Variants in PDZD2 observed in about 807,000 individuals in gnomAD.
PDZD2 encodes the protein PDZ domain-containing protein 2.
In PDZD2, 90 loss-of-function variants were observed where a neutral mutation model predicts 220.7. That is an observed-to-expected ratio of 0.41 (90% CI 0.34 to 0.49). The LOEUF (loss-of-function observed/expected upper bound fraction) is 0.49. Ranked by LOEUF, PDZD2 falls within the 20% of genes least tolerant of loss-of-function variation. PDZD2 has a pLI of 0.28. For synonymous variants in PDZD2, 1,375 were observed against 1,450.5 expected (o/e 0.95, Z 1.18); for missense variants, 3,174 against 3,608.5 (o/e 0.88, Z 3.08).
At chr5:31,882,748 G>A (rs894661898) in intron 2 of PDZD2, among the ~76,000 whole-genome samples, 2 of 151,930 alleles carry the variant, frequency 1.3e-5, no homozygotes, top group Non-Finnish European at 1.5e-5. Flanking sequence ...CCAGGTCTGG[G>A]CCAGATACAG....
intron 1 of PDZD2, among the ~76,000 whole-genome samples, chr5:31,737,476 C>T (rs1205482862): frequency 6.6e-6 from 1 of 152,126 alleles, no homozygotes; most frequent in Non-Finnish European, 1.5e-5. Flanking sequence ...CCGGCCAGAG[C>T]AGTCTACTTC....
chr5:31,840,628 T>C, intron 2 of PDZD2: 1 of 721,554 alleles, frequency 1.4e-6, no homozygotes, highest in Non-Finnish European at 2.6e-6. Flanking sequence ...GGCTTCTTTC[T>C]TTTTCTGATC....
intron 1 of PDZD2, among the ~76,000 whole-genome samples, chr5:31,683,716 G>A (rs1209617121): frequency 2.6e-5 from 4 of 152,182 alleles, no homozygotes; most frequent in Non-Finnish European, 5.9e-5. Flanking sequence ...CCAGTCTGCT[G>A]TTGAGGCAGG....
At chr5:31,927,981 C>G (rs1038003594) in intron 2 of PDZD2, among the ~76,000 whole-genome samples, 2 of 152,080 alleles carry the variant, frequency 1.3e-5, no homozygotes, top group African/African-American at 4.8e-5. Flanking sequence ...GAAAACCAGG[C>G]CATTTCAGTA....
intron 1 of PDZD2, among the ~76,000 whole-genome samples, chr5:31,718,564 T>G (rs1380246246): frequency 6.6e-6 from 1 of 152,214 alleles, no homozygotes; most frequent in Non-Finnish European, 1.5e-5. Flanking sequence ...TTCCTTGTCT[T>G]GCAGATGGCC....
intron 1 of PDZD2, among the ~76,000 whole-genome samples, chr5:31,719,306 C>A (rs1388729628): frequency 1.3e-5 from 2 of 152,072 alleles, no homozygotes; most frequent in Non-Finnish European, 2.9e-5. Context: ...AGTGTGCAAT[C>A]TATTAGGTAA....
intron 1 of PDZD2, among the ~76,000 whole-genome samples, chr5:31,676,901 G>A (rs1363988783): frequency 1.3e-5 from 2 of 151,626 alleles, no homozygotes; most frequent in Non-Finnish European, 2.9e-5. Flanking sequence ...GGCTTCCCCA[G>A]AGGAGATTTT....
chr5:31,916,198 T>G (rs1281214504), intron 2 of PDZD2, among the ~76,000 whole-genome samples: 4 of 152,252 alleles, frequency 2.6e-5, no homozygotes, highest in Non-Finnish European at 4.4e-5. Context: ...TCATCATTAG[T>G]CCATCCTGGA....
rs1357751060 is a variant in PDZD2 at position 32,018,833 on chromosome 5, A to G, written c.1407+8351A>G. ...ATGCCTTATGTCGGATTGCCAGAGC[A>G]AGATAGGAAAGACGAGACTGCAATG... On this transcript the variant is annotated intron_variant, in intron 6 of 24. Coordinates refer to ENST00000438447, the MANE Select transcript of PDZD2 (RefSeq NM_178140.4). Among the ~76,000 whole-genome samples the G allele has an allele frequency of 2.6e-5, 4 of 152,366 alleles. No individual in the cohort carries two copies. The South Asian group carries it at 8.3e-4, about 32-fold the overall frequency.
At chr5:31,894,240 T>C (rs909927639) in intron 2 of PDZD2, among the ~76,000 whole-genome samples, 1 of 151,966 alleles carries the variant, frequency 6.6e-6, no homozygotes, top group African/African-American at 2.4e-5. Flanking sequence ...GGGTGCTCTA[T>C]ATTAGTGGAA....
intron 2 of PDZD2, chr5:31,847,275 G>A (rs1056433266): frequency 6.7e-6 from 2 of 298,030 alleles, no homozygotes; most frequent in African/African-American, 2.2e-5. Context: ...TGTAGGGTGG[G>A]GTTTGTTAAA....
chr5:32,029,693 C>T (rs1373962657), intron 6 of PDZD2, among the ~76,000 whole-genome samples: 1 of 152,176 alleles, frequency 6.6e-6, no homozygotes, highest in African/African-American at 2.4e-5. Context: ...GTCCCTTCCT[C>T]CTGAGACACT....
rs375725638 is a variant in PDZD2, at chr5:32,090,966, C to A, written c.7518C>A (p.Ser2506Arg). Residue 2506 changes from serine to arginine, a missense_variant, in exon 20 of 25, where the codon AGC (serine) becomes AGA (arginine). By Grantham distance (110) the Ser-to-Arg change is moderately radical. Coordinates refer to ENST00000438447, the MANE Select transcript of PDZD2 (RefSeq NM_178140.4). This position sits in a 1 kb window ranked among gnomAD's most constrained non-coding sequence, Gnocchi z 4.3. ...LCSEDYSAGP[S>R]AVLFKTELEI... ...GCGAGGATTACTCAGCAGGGCCGAGCGCCGTGCTCTTCAAAACTGAGCTGG... is the reference window on the plus strand; with the variant it reads ...GCGAGGATTACTCAGCAGGGCCGAGAGCCGTGCTCTTCAAAACTGAGCTGG... The A allele has an allele frequency of 6.2e-7, 1 of 1,613,682 alleles. No individual in the cohort carries two copies. The highest frequency in any genetic ancestry group is 1.3e-5 in the African/African-American group (1 of 74,906).
intron 1 of PDZD2, among the ~76,000 whole-genome samples, chr5:31,670,375 T>C (rs961824804): frequency 6.6e-6 from 1 of 152,112 alleles, no homozygotes; most frequent in Non-Finnish European, 1.5e-5. Context: ...ACATTGGGGG[T>C]TCAGCACTGA....
At chr5:31,936,566 TAAA>T (rs11378684) in intron 2 of PDZD2, among the ~76,000 whole-genome samples, 1 of 145,104 alleles carries the variant, frequency 6.9e-6, no homozygotes. Context: ...AGAGTTGCTT[TAAA>T]AAAAAAAAAA....
At chr5:31,899,216 C>T (rs1353159273) in intron 2 of PDZD2, among the ~76,000 whole-genome samples, 2 of 152,196 alleles carry the variant, frequency 1.3e-5, no homozygotes, top group African/African-American at 2.4e-5. Flanking sequence ...CAGCAACATC[C>T]GCCTCCTGGG....
At chr5:31,893,299 G>A (rs748123678) in intron 2 of PDZD2, among the ~76,000 whole-genome samples, 64 of 152,252 alleles carry the variant, frequency 4.2e-4, no homozygotes, top group Non-Finnish European at 4.9e-4. Flanking sequence ...GGCTGGGCGC[G>A]GTGGCTCGTG....
In PDZD2 at chr5:31,928,782, C is replaced by T. The variant is rs548422285; in HGVS notation, c.477-54373C>T. ...CCACGATGCCGGGCCAAGAAAAGAA[C>T]CCTTGAAAAGAAAATTCAGAAGCAC... On this transcript the variant is annotated intron_variant, in intron 2 of 24. Coordinates refer to ENST00000438447, the MANE Select transcript of PDZD2 (RefSeq NM_178140.4). 2.6e-5 allele frequency among the ~76,000 whole-genome samples: 4 copies of T among 152,156 alleles called. No individual in the cohort carries two copies. In the South Asian group the frequency reaches 6.2e-4, roughly 24 times the overall value.
chr5:31,689,360 T>TTTTC (rs1747024045), intron 1 of PDZD2, among the ~76,000 whole-genome samples: 1 of 119,738 alleles, frequency 8.4e-6, no homozygotes. Flanking sequence ...TATATTTTTT[T>TTTTC]TTTTTTTTTT....
Sources: gnomAD v4.1 joint callset for allele counts (sites outside exome capture counted in the v4.1 genomes callset) on GRCh38, gnomAD v4.1.1 for gene constraint, Gnocchi (gnomAD v3.1) non-coding constraint, MANE v1.5 for transcripts, NCBI Gene and HGNC (gene_info 2026-07-23, HGNC 2026-07-21) for gene names.